SLC15A1: variants seen among roughly 807,000 people sequenced by gnomAD.
SLC15A1 encodes solute carrier family 15 member 1, also known as Caco-2 oligopeptide transporter.
SLC15A1 carries 83 observed loss-of-function variants against 92.9 expected under a neutral mutation model. The observed-to-expected ratio is 0.89, with a 90% CI of 0.75 to 1.07. The LOEUF (loss-of-function observed/expected upper bound fraction) is 1.07. Among genes scored for constraint, SLC15A1 ranks in the 50% least tolerant of loss-of-function variants. SLC15A1 has a pLI of 0.00. For missense variants in SLC15A1, 857 were observed against 880.1 expected, an observed-to-expected ratio of 0.97 and a Z score of 0.33; for synonymous variants, 322 against 318.2, an observed-to-expected ratio of 1.01 and a Z score of -0.13.
chr13:98,741,989 G>A (rs2088451954), intron 1 of SLC15A1, among the ~76,000 whole-genome samples: 1 of 152,230 alleles, frequency 6.6e-6, no homozygotes, highest in South Asian at 2.1e-4. Context: ...GGTTTATCAA[G>A]TGACTGGGTG....
chr13:98,748,051 G>T (rs2088509506), intron 1 of SLC15A1, among the ~76,000 whole-genome samples: 1 of 152,168 alleles, frequency 6.6e-6, no homozygotes, highest in African/African-American at 2.4e-5. Context: ...CCTAGTTGCT[G>T]CTTTCACTGG....
At chr13:98,704,198 A>G in intron 17 of SLC15A1, 91 bp downstream of exon 17, 1 of 1,242,880 alleles carries the variant, frequency 8.0e-7, no homozygotes, top group Admixed American at 2.6e-5. Context: ...ATATAACACT[A>G]TATGGGAGTA....
intron 18 of SLC15A1, 142 bp downstream of exon 18, chr13:98,702,338 G>T: frequency 3.0e-6 from 2 of 672,902 alleles, no homozygotes; most frequent in Non-Finnish European, 5.4e-6. Context: ...GATTTTTTTG[G>T]GGAATATTCA....
intron 15 of SLC15A1, among the ~76,000 whole-genome samples, chr13:98,707,898 A>ATTTT (rs1566447974): frequency 1.7e-5 from 1 of 57,188 alleles, no homozygotes; most frequent in African/African-American, 3.8e-5. Context: ...GTTTAAAAAA[A>ATTTT]AAAAAAAAAA....
At position 98,719,302 on chromosome 13, in the gene SLC15A1, T is replaced by A. The variant is rs202183689; in HGVS notation, c.575A>T (p.His192Leu). 765 of 1,613,534 alleles carry A rather than the reference T, an allele frequency of 4.7e-4. No homozygotes were observed. The highest frequency in any genetic ancestry group is 6.1e-4 in the Non-Finnish European group (724 of 1,179,512). ...CAGTGGGTAACAAGCTTGTTTACTGTGAATTCCACATTGTTGAACTGGGGA... is the reference window on the plus strand; with the variant it reads ...CAGTGGGTAACAAGCTTGTTTACTGAGAATTCCACATTGTTGAACTGGGGA... ...PMLRVQQCGIHSKQACYPLAF... is the reference protein window; with the variant it reads ...PMLRVQQCGILSKQACYPLAF... Residue 192 changes from histidine (H) to leucine (L), a missense_variant, in exon 8 of 23, where the codon CAC becomes CTC. By Grantham distance (99) the His-to-Leu change is moderately conservative. Transcript: ENST00000376503.
At position 98,684,799 on chromosome 13, in the gene SLC15A1, C is replaced by G; in HGVS notation, c.2052G>C (p.Glu684Asp). Residue 684 changes from glutamate to aspartate, a missense_variant, in exon 23 of 23, where the codon GAG becomes GAC. Transcript: ENST00000376503. ...TTTCCAGTCTGTTTTTCTTTTCATC[C>G]TCATCAAATTGAGCTTCGATCTCCG... is the stretch of plus-strand genomic sequence containing the variant. ...NPAEIEAQFD[E>D]DEKKNRLEKS... 1 of 1,613,994 alleles carries G rather than the reference C, an allele frequency of 6.2e-7. No homozygotes were observed. The highest frequency in any genetic ancestry group is 2.2e-5 in the East Asian group (1 of 44,872).
rs546162287 is a variant in SLC15A1 at position 98,726,767 on chromosome 13, A to T, written c.21+76T>A. On this transcript the variant is annotated intron_variant, in intron 2 of 22. Transcript: ENST00000376503. Reference sequence around the variant, plus strand: ...TCCAGATGTACAGATCTGTTAGGTGAATGAACCCTTAGGGGTAAAACAGAT... The same window carrying T: ...TCCAGATGTACAGATCTGTTAGGTGTATGAACCCTTAGGGGTAAAACAGAT... The T allele has an allele frequency of 5.0e-6, 7 of 1,402,524 alleles. No individual in the cohort carries two copies. The African/African-American group carries it at 9.9e-5, about 20-fold the overall frequency. 86.9% of individuals were successfully genotyped at this position (1,402,524 alleles called of 1,614,324 possible).
intron 6 of SLC15A1, 72 bp from the exon 7 acceptor site, chr13:98,721,657 T>C: frequency 7.9e-7 from 1 of 1,260,490 alleles, no homozygotes; most frequent in East Asian, 2.3e-5. Context: ...GATGATCTCA[T>C]TTTACTACTA....
At chr13:98,737,237 G>T (rs994248297) in intron 1 of SLC15A1, among the ~76,000 whole-genome samples, 1 of 152,146 alleles carries the variant, frequency 6.6e-6, no homozygotes, top group African/African-American at 2.4e-5. Context: ...AGCATCTGTC[G>T]CAAGGACAGA....
At chr13:98,694,711 T>C (rs1354711355) in intron 18 of SLC15A1, among the ~76,000 whole-genome samples, 2 of 152,174 alleles carry the variant, frequency 1.3e-5, no homozygotes, top group Non-Finnish European at 2.9e-5. Flanking sequence ...TAGAATACTA[T>C]ACAGTGGTTA....
intron 1 of SLC15A1, among the ~76,000 whole-genome samples, chr13:98,734,058 C>T (rs1206839551): frequency 3.9e-5 from 6 of 152,156 alleles, no homozygotes; most frequent in East Asian, 1.9e-4. Flanking sequence ...CTCCGCCTCC[C>T]GGGTTCAAGC....
intron 5 of SLC15A1, 59 bp from the exon 6 acceptor site, chr13:98,721,962 C>T: frequency 6.9e-7 from 1 of 1,445,388 alleles, no homozygotes; most frequent in Non-Finnish European, 9.6e-7. Context: ...GAAGGCCTCT[C>T]TTTTCCCCAG....
At chr13:98,706,390 G>T in intron 15 of SLC15A1, 137 bp from the exon 16 acceptor site, 1 of 915,756 alleles carries the variant, frequency 1.1e-6, no homozygotes, top group Non-Finnish European at 1.7e-6. Flanking sequence ...CTCCCACTAA[G>T]CTGCCAATCA....
intron 1 of SLC15A1, among the ~76,000 whole-genome samples, chr13:98,742,516 C>T (rs1388799471): frequency 6.6e-6 from 1 of 152,178 alleles, no homozygotes; most frequent in Non-Finnish European, 1.5e-5. Flanking sequence ...CAGAGTGCCT[C>T]AAACCGCGTG....
intron 1 of SLC15A1, among the ~76,000 whole-genome samples, chr13:98,732,725 T>G (rs921066662): frequency 2.6e-5 from 4 of 152,182 alleles, no homozygotes; most frequent in Admixed American, 2.6e-4. Context: ...TGCTGAGGTC[T>G]AAGAGAGAAG....
In SLC15A1 at chr13:98,685,045, T is replaced by C. The variant is rs1434215328; in HGVS notation, c.1936-130A>G. On this transcript the variant is annotated intron_variant, in intron 22 of 22. Transcript: ENST00000376503. ...TGCTTTGAAATTAAATTATGGAAAA[T>C]TGGTAAGCAACCAATACAGATACAG... 7.2e-6 allele frequency: 6 copies of C among 831,304 alleles called. No individual in the cohort carries two copies. In the Admixed American group the frequency reaches 8.4e-5, roughly 12 times the overall value. 51.5% of individuals were successfully genotyped at this position (831,304 alleles called of 1,614,324 possible).
chr13:98,741,053 C>A (rs1172680283), intron 1 of SLC15A1, among the ~76,000 whole-genome samples: 1 of 152,090 alleles, frequency 6.6e-6, no homozygotes, highest in East Asian at 1.9e-4. Context: ...CTTTCCCACC[C>A]TCGGGGACTC....
chr13:98,721,273 T>C, intron 7 of SLC15A1: 3 of 672,384 alleles, frequency 4.5e-6, no homozygotes, highest in Non-Finnish European at 5.6e-6. Context: ...AAGGATGGCT[T>C]AGACTCTCCA....
At position 98,720,726 on chromosome 13, in the gene SLC15A1, A is replaced by T. The variant is rs1450658811; in HGVS notation, c.556+769T>A. 1.1e-4 allele frequency: 25 copies of T among 224,410 alleles called. No homozygotes were observed. The Admixed American group carries it at 1.2e-3, about 11-fold the overall frequency. The allele number at this position is 224,410 out of a possible 1,614,324, so 13.9% of individuals were successfully genotyped here. A position where few individuals can be genotyped will look rare whatever the true frequency, so the allele number is the denominator to read the frequency against. ...TCTTTATCTGAGCAGTTCTTTTGGA[A>T]ATACTTGAGATGATGGGAAAGCAAA... On this transcript the variant is annotated intron_variant, in intron 7 of 22. Transcript: ENST00000376503.
Sources: allele counts gnomAD v4.1 joint callset (sites outside exome capture counted in the v4.1 genomes callset), GRCh38; gene constraint gnomAD v4.1.1; transcripts MANE v1.5; gene names NCBI Gene and HGNC (gene_info 2026-07-23, HGNC 2026-07-21).